The following SLC6A16 variants were observed in gnomAD, a reference collection of about 807,000 sequenced individuals.
SLC6A16 encodes the protein orphan sodium- and chloride-dependent neurotransmitter transporter NTT5.
Under a neutral mutation model 65.4 loss-of-function variants are expected in SLC6A16, and 54 were observed. The ratio of observed to expected loss-of-function variants is 0.83; its 90% CI spans 0.66 to 1.04. The LOEUF is 1.04. Among genes scored for constraint, SLC6A16 ranks in the 50% least tolerant of loss-of-function variants. The pLI, the probability that SLC6A16 is intolerant of heterozygous loss-of-function variation, is 0.00. For synonymous variants in SLC6A16, 330 were observed against 346.5 expected (o/e 0.95, Z 0.53); for missense variants, 816 against 914.0 (o/e 0.89, Z 1.38).
chr19:49,327,990 C>T (rs938806402), upstream of SLC6A16, among the ~76,000 whole-genome samples: 2 of 152,066 alleles, frequency 1.3e-5, no homozygotes, highest in African/African-American at 4.8e-5. Flanking sequence ...AGGTCATGGT[C>T]GGAATTTTTT....
chr19:49,317,127 G>A (rs1345610045), intron 1 of SLC6A16, among the ~76,000 whole-genome samples: 2 of 151,756 alleles, frequency 1.3e-5, no homozygotes, highest in Non-Finnish European at 2.9e-5. Flanking sequence ...ATCACTTGAA[G>A]TCAGGAGTTT....
intron 11 of SLC6A16, 82 bp from the exon 12 acceptor site, chr19:49,290,474 G>C: frequency 6.4e-7 from 1 of 1,568,332 alleles, no homozygotes. Context: ...GGATGGGTGG[G>C]GAACCAAAGC....
rs990025485 is a variant in SLC6A16 at position 49,294,432 on chromosome 19, G to A, written c.1351C>T (p.Gln451Ter). The part of the protein sequence containing the change: ...IYNAWLSGLP[Q>*]HIKSMVLREV... ...CGGAGAACCATGCTTTTGATGTGCTGGGGAAGGCCACTGAGCCAGGCATTG... is the reference window on the plus strand; with the variant it reads ...CGGAGAACCATGCTTTTGATGTGCTAGGGAAGGCCACTGAGCCAGGCATTG... Residue 451 changes from glutamine to a stop codon, truncating the protein, a stop_gained, in exon 8 of 12, where the codon CAG (glutamine) becomes TAG (stop). Transcript: ENST00000335875. LOFTEE classifies it high-confidence loss of function. The A allele has an allele frequency of 1.2e-6, 2 of 1,614,182 alleles. No homozygotes were observed. Among genetic ancestry groups the A allele is most frequent in the East Asian group, 2.2e-5 (1 of 44,884 alleles).
Position 49,310,178 on chromosome 19 carries a change from G to A in SLC6A16, c.574-12C>T, listed in dbSNP as rs370693112. 77 of 1,614,044 alleles carry A rather than the reference G, an allele frequency of 4.8e-5. No homozygotes were observed. In the East Asian group the frequency reaches 1.4e-3, roughly 30 times the overall value. The stretch of plus-strand genomic sequence containing the variant: ...AGGATGAAGCACACCTGGGGGCCAA[G>A]GAGGATATGGCTGGGGAGGAAGAGC... On this transcript the variant is annotated splice_polypyrimidine_tract_variant and intron_variant, in intron 3 of 11. Coordinates refer to ENST00000335875, the MANE Select transcript of SLC6A16 (RefSeq NM_014037.3).
At position 49,291,681 on chromosome 19, in the gene SLC6A16, C is replaced by G. The variant is rs561175468; in HGVS notation, c.1779-914G>C. ...AGATAAAAGAAAGTGGCATTTGGCC[C>G]TTGGGAAACTTATCTAGTTTATTTC... On this transcript the variant is annotated intron_variant, in intron 10 of 11. Coordinates refer to ENST00000335875, the MANE Select transcript of SLC6A16 (RefSeq NM_014037.3). 2.2e-3 allele frequency among the ~76,000 whole-genome samples: 328 copies of G among 152,156 alleles called. 1 individual carries two copies. The highest frequency in any genetic ancestry group is 7.5e-3 in the African/African-American group (312 of 41,508).
At chr19:49,290,435 A>G (rs1318095613) in intron 11 of SLC6A16, 43 bp from the exon 12 acceptor site, 1 of 1,590,638 alleles carries the variant, frequency 6.3e-7, no homozygotes, top group Admixed American at 1.7e-5. Flanking sequence ...CAAAATCCCC[A>G]AGAGAAAAGG....
chr19:49,305,502 G>GA (rs941577140), intron 7 of SLC6A16, among the ~76,000 whole-genome samples: 12 of 150,268 alleles, frequency 8.0e-5, no homozygotes, highest in Non-Finnish European at 1.0e-4. Flanking sequence ...TGAGGCGGGA[G>GA]AATCGCTTGA....
chr19:49,325,244 C>T, upstream of SLC6A16: 3 of 984,904 alleles, frequency 3.0e-6, no homozygotes, highest in Non-Finnish European at 3.6e-6. Context: ...CGCCGCGCCC[C>T]CTCACTCTTT....
At chr19:49,314,936 C>T (rs1220167655) in intron 1 of SLC6A16, among the ~76,000 whole-genome samples, 1 of 152,046 alleles carries the variant, frequency 6.6e-6, no homozygotes, top group African/African-American at 2.4e-5. Flanking sequence ...TTCCAAGCAC[C>T]TGCCACTCCT....
chr19:49,327,331 G>T (rs141005558), upstream of SLC6A16, among the ~76,000 whole-genome samples: 4,864 of 152,174 alleles, frequency 0.032, 112 homozygotes, highest in Middle Eastern at 0.048. Flanking sequence ...CAGGTGATCC[G>T]CCCGCCTCAG....
At chr19:49,316,838 A>G (rs1425871468) in intron 1 of SLC6A16, among the ~76,000 whole-genome samples, 1 of 149,072 alleles carries the variant, frequency 6.7e-6, no homozygotes, top group Admixed American at 6.7e-5. Context: ...TTGACAATGC[A>G]GTGAAAACCC....
intron 7 of SLC6A16, among the ~76,000 whole-genome samples, chr19:49,303,090 A>G (rs1284324595): frequency 6.6e-6 from 1 of 152,224 alleles, no homozygotes. Context: ...TAATCTGGAG[A>G]AAGATACAAA....
At chr19:49,312,394 C>T in intron 1 of SLC6A16, 1 of 237,664 alleles carries the variant, frequency 4.2e-6, no homozygotes, top group Non-Finnish European at 6.8e-6. Context: ...TACCTACCCA[C>T]AACTCTCTTT....
At position 49,325,144 on chromosome 19, in the gene SLC6A16, G is replaced by T; in HGVS notation, c.-161C>A. 1.0e-6 allele frequency: 1 copy of T among 985,522 alleles called. No individual in the cohort carries two copies. Among genetic ancestry groups the T allele is most frequent in the South Asian group, 4.7e-5 (1 of 21,294 alleles). 61.0% of individuals were successfully genotyped at this position (985,522 alleles called of 1,614,324 possible). A position where few individuals can be genotyped will look rare whatever the true frequency, so the allele number is the denominator to read the frequency against. On this transcript the variant is annotated 5_prime_UTR_variant, in exon 1 of 12. The change creates a new upstream start codon in the 5' untranslated region. Coordinates refer to ENST00000335875, the MANE Select transcript of SLC6A16 (RefSeq NM_014037.3). Reference sequence around the variant, plus strand: ...GCTGAGAAGCCTAGCAATCTCCTCAGGCCCCTTCAGGCGTCGACAGATCGG... The same window carrying T: ...GCTGAGAAGCCTAGCAATCTCCTCATGCCCCTTCAGGCGTCGACAGATCGG...
chr19:49,291,261 A>G (rs1970073419), intron 10 of SLC6A16, among the ~76,000 whole-genome samples: 1 of 151,708 alleles, frequency 6.6e-6, no homozygotes, highest in Non-Finnish European at 1.5e-5. Context: ...CCACCTATTC[A>G]TCTGTCCAGG....
the SLC6A16 span, among the ~76,000 whole-genome samples, chr19:49,337,421 G>GT: frequency 6.6e-6 from 1 of 152,210 alleles, no homozygotes; most frequent in Non-Finnish European, 1.5e-5. Context: ...GAGTCCAGGA[G>GT]TTTGAGACCA....
rs756032696 is a variant in SLC6A16, at chr19:49,311,213, C to T, written c.135G>A (p.Trp45Ter). 21 of 1,614,046 alleles carry T rather than the reference C, an allele frequency of 1.3e-5. No individual in the cohort carries two copies. Among genetic ancestry groups the T allele is most frequent in the Non-Finnish European group, 7.6e-6 (9 of 1,180,028 alleles). ...KGSLTRSATSWTSEAQVSAAR... is the reference protein window; with the variant it reads ...KGSLTRSATS ...CTGCTGAAACTTGGGCCTCTGAGGT[C>T]CAAGATGTTGCAGACCGGGTCAATG... Residue 45 changes from tryptophan to a stop codon, truncating the protein, a stop_gained, in exon 2 of 12, where the codon TGG becomes TGA. Coordinates refer to ENST00000335875, the MANE Select transcript of SLC6A16 (RefSeq NM_014037.3). LOFTEE classifies it high-confidence loss of function.
At chr19:49,316,458 G>A (rs983406903) in intron 1 of SLC6A16, among the ~76,000 whole-genome samples, 1 of 152,096 alleles carries the variant, frequency 6.6e-6, no homozygotes, top group Non-Finnish European at 1.5e-5. Flanking sequence ...TGGGGGACAG[G>A]GAAACCAGTC....
Position 49,290,008 on chromosome 19 carries a change from C to T in SLC6A16, c.*115G>A, listed in dbSNP as rs544955293. 4.4e-6 allele frequency: 5 copies of T among 1,135,762 alleles called. No individual in the cohort carries two copies. The highest frequency in any genetic ancestry group is 6.2e-6 in the Non-Finnish European group (5 of 801,656). The allele number at this position is 1,135,762 out of a possible 1,614,324, so 70.4% of individuals were successfully genotyped here. On this transcript the variant is annotated 3_prime_UTR_variant, in exon 12 of 12. Coordinates refer to ENST00000335875, the MANE Select transcript of SLC6A16 (RefSeq NM_014037.3). ...AACACCCCCAAAGAATGCCCCTCCT[C>T]TTGGAAATAAAAGTGGTTCTGGATC... is the stretch of plus-strand genomic sequence containing the variant.
Sources: allele counts gnomAD v4.1 joint callset (sites outside exome capture counted in the v4.1 genomes callset), GRCh38; gene constraint gnomAD v4.1.1; transcripts MANE v1.5; gene names NCBI Gene and HGNC (gene_info 2026-07-23, HGNC 2026-07-21).